SEH1L: variants seen among roughly 807,000 people sequenced by gnomAD.
SEH1L encodes SEH1 like nucleoporin.
In SEH1L, 18 loss-of-function variants were observed where a neutral mutation model predicts 49.5. The ratio of observed to expected loss-of-function variants is 0.36; its 90% CI spans 0.25 to 0.54. The LOEUF (loss-of-function observed/expected upper bound fraction) is 0.54, where lower values mean the gene tolerates loss of function less well. SEH1L is among the 20% of genes least tolerant of loss of function. SEH1L has a pLI of 0.87. For synonymous variants in SEH1L, 169 were observed against 178.1 expected (o/e 0.95, Z 0.41); for missense variants, 404 against 528.8 (o/e 0.76, Z 2.31).
At chr18:12,980,069 G>T (rs2032126604) in intron 6 of SEH1L, among the ~76,000 whole-genome samples, 1 of 96,108 alleles carries the variant, frequency 1.0e-5, no homozygotes, top group East Asian at 4.3e-4. Flanking sequence ...GGGGCGGCTG[G>T]CCGGGCGGGG....
At chr18:12,970,631 C>A (rs1009386871) in intron 4 of SEH1L, among the ~76,000 whole-genome samples, 3 of 152,042 alleles carry the variant, frequency 2.0e-5, no homozygotes, top group African/African-American at 7.2e-5. Context: ...TATTATGTGG[C>A]CCAGGTTCTT....
chr18:12,970,447 C>T lies in SEH1L; in HGVS notation c.522-706C>T, dbSNP rs150182644. ...TTCTTTTCTTTTTTTCTGAAAGAGA[C>T]TCTCACTCTGTTGCCCAGGCTAGAG... On this transcript the variant is annotated intron_variant, in intron 4 of 8. Transcript: ENST00000399892. 4.4e-3 allele frequency among the ~76,000 whole-genome samples: 664 copies of T among 152,260 alleles called. 5 individuals carry two copies. Among genetic ancestry groups the T allele is most frequent in the African/African-American group, 0.015 (620 of 41,532 alleles).
chr18:12,969,765 G>T (rs140630364), intron 4 of SEH1L, among the ~76,000 whole-genome samples: 1 of 151,704 alleles, frequency 6.6e-6, no homozygotes, highest in Non-Finnish European at 1.5e-5. Flanking sequence ...GGTGGTTCAC[G>T]CCTGTAATCC....
chr18:12,981,337 G>T (rs576986578), intron 6 of SEH1L, among the ~76,000 whole-genome samples: 1 of 152,150 alleles, frequency 6.6e-6, no homozygotes, highest in East Asian at 1.9e-4. Context: ...CGGCACTTTG[G>T]GGGGCCAAGG....
rs977104 is a variant in SEH1L at position 12,982,892 on chromosome 18, C to G, written c.919+217C>G. ...ATGTGGAACAGAGCAGTTTTCAAAACTAAAGTAATTACAACAGAATATGCA... is the reference window on the plus strand; with the variant it reads ...ATGTGGAACAGAGCAGTTTTCAAAAGTAAAGTAATTACAACAGAATATGCA... On this transcript the variant is annotated intron_variant, in intron 7 of 8. Coordinates refer to ENST00000399892, the MANE Select transcript of SEH1L (RefSeq NM_001013437.2). 41,896 of 400,142 alleles carry G rather than the reference C, an allele frequency of 0.1. 3,148 individuals are homozygous for G. The highest frequency in any genetic ancestry group is 0.26 in the African/African-American group (12,376 of 48,354). The allele number at this position is 400,142 out of a possible 1,614,324, so 24.8% of individuals were successfully genotyped here.
chr18:12,986,260 GGAA>G (rs1266073438), intron 8 of SEH1L: 3 of 985,204 alleles, frequency 3.0e-6, no homozygotes, highest in East Asian at 1.1e-4. Flanking sequence ...GTTACAAGAT[GGAA>G]GAAGAATAAC....
At chr18:12,954,128 T>A (rs1482215951) in intron 2 of SEH1L, among the ~76,000 whole-genome samples, 1 of 152,258 alleles carries the variant, frequency 6.6e-6, no homozygotes, top group Non-Finnish European at 1.5e-5. Context: ...ATTGTTACCA[T>A]GTAGAAGTTA....
At chr18:12,961,497 T>A (rs2031175358) in intron 3 of SEH1L, among the ~76,000 whole-genome samples, 1 of 152,228 alleles carries the variant, frequency 6.6e-6, no homozygotes, top group Admixed American at 6.5e-5. Context: ...AACAAATGCA[T>A]TTATTTTCTC....
chr18:12,950,400 A>G (rs2030446687), intron 1 of SEH1L, among the ~76,000 whole-genome samples: 2 of 152,082 alleles, frequency 1.3e-5, no homozygotes, highest in South Asian at 4.1e-4. Flanking sequence ...TTATTTGTAT[A>G]TATTTTTAAT....
At chr18:12,971,293 T>G in intron 5 of SEH1L, 42 bp downstream of exon 5, 1 of 1,224,256 alleles carries the variant, frequency 8.2e-7, no homozygotes, top group Non-Finnish European at 1.2e-6. Flanking sequence ...AGAATTGCAT[T>G]TAATTTTTTA....
At chr18:12,955,065 T>C (rs72874147) in intron 2 of SEH1L, among the ~76,000 whole-genome samples, 35,120 of 151,280 alleles carry the variant, frequency 0.23, 4,582 homozygotes, top group East Asian at 0.43. Flanking sequence ...GGGTATTTTC[T>C]GTAGAAAGAA....
chr18:12,972,610 C>T (rs1193460602), intron 5 of SEH1L: 2 of 152,146 alleles, frequency 1.3e-5, no homozygotes, highest in Non-Finnish European at 2.9e-5. Context: ...TAGTGTTACT[C>T]CCGTGGGCTC....
chr18:12,966,537 C>A (rs1475872074), intron 4 of SEH1L, among the ~76,000 whole-genome samples: 1 of 152,156 alleles, frequency 6.6e-6, no homozygotes, highest in East Asian at 1.9e-4. Context: ...GTAACTGGGA[C>A]TACAGGCATT....
intron 2 of SEH1L, among the ~76,000 whole-genome samples, chr18:12,954,079 T>TA (rs574900493): frequency 5.3e-5 from 8 of 151,166 alleles, no homozygotes; most frequent in East Asian, 1.9e-4. Context: ...AAAACAAGGT[T>TA]AAAAAAAAAG....
intron 4 of SEH1L, 127 bp downstream of exon 4, chr18:12,963,498 C>T: frequency 1.5e-6 from 1 of 670,566 alleles, no homozygotes; most frequent in Admixed American, 3.0e-5. Context: ...ATATGTTCTC[C>T]ATTTTTCACC....
chr18:12,974,315 C>A (rs1375960361), intron 5 of SEH1L: 2 of 152,014 alleles, frequency 1.3e-5, no homozygotes, highest in Admixed American at 1.3e-4. Context: ...GAGTCTCACT[C>A]TGTTTCCAGG....
intron 3 of SEH1L, among the ~76,000 whole-genome samples, chr18:12,959,195 G>A (rs1435135009): frequency 1.3e-5 from 2 of 151,768 alleles, no homozygotes; most frequent in Non-Finnish European, 2.9e-5. Flanking sequence ...TTTTAAATTG[G>A]GTTTTTTGTT....
Position 12,984,103 on chromosome 18 carries a change from G to A in SEH1L, c.983G>A (p.Gly328Glu). 1 of 1,613,682 alleles carries A rather than the reference G, an allele frequency of 6.2e-7. No individual in the cohort carries two copies. Among genetic ancestry groups the A allele is most frequent in the Non-Finnish European group, 8.5e-7 (1 of 1,179,580 alleles). ...ILKGNGSPVN[G>E]SSQQGTSNPS... is the part of the protein sequence containing the mutation. ...AAAGGTAATGGGAGCCCAGTCAATG[G>A]GAGTTCTCAGCAGGGAACCTCAAAT... Residue 328 changes from glycine to glutamate, a missense_variant, in exon 8 of 9, where the codon GGG becomes GAG. Gly to Glu is a moderately conservative substitution (Grantham distance 98). This residue lies in a region of SEH1L where 342 missense variants were observed against 430.8 expected (regional missense o/e 0.79). Transcript: ENST00000399892.
intron 4 of SEH1L, among the ~76,000 whole-genome samples, chr18:12,970,929 C>A (rs2031672956): frequency 1.3e-5 from 2 of 152,106 alleles, no homozygotes; most frequent in African/African-American, 4.8e-5. Context: ...TAAGAATATG[C>A]TAAAAACAGT....
Sources: gnomAD v4.1 joint callset for allele counts (sites outside exome capture counted in the v4.1 genomes callset) on GRCh38, gnomAD v4.1.1 for gene constraint, gnomAD v4.1.1 regional missense constraint, MANE v1.5 for transcripts, NCBI Gene and HGNC (gene_info 2026-07-23, HGNC 2026-07-21) for gene names.